Variants in CAAP1 observed in about 807,000 individuals in gnomAD.
CAAP1 encodes the protein conserved anti-apoptotic protein.
A neutral mutation model predicts 34.0 loss-of-function variants in CAAP1; 20 were observed. The observed-to-expected ratio is 0.59, with a 90% confidence interval of 0.41 to 0.86. The LOEUF (loss-of-function observed/expected upper bound fraction) is 0.86, where lower values mean the gene tolerates loss of function less well. Among genes scored for constraint, CAAP1 ranks in the 40% least tolerant of loss-of-function variants. The pLI is 0.00. For synonymous variants in CAAP1, 213 were observed against 166.7 expected, an observed-to-expected ratio of 1.28 and a Z score of -2.14; for missense variants, 538 against 450.5, an observed-to-expected ratio of 1.19 and a Z score of -1.76.
intron 5 of CAAP1, among the ~76,000 whole-genome samples, chr9:26,843,215 G>T (rs1160733329): frequency 1.3e-5 from 2 of 152,142 alleles, no homozygotes; most frequent in Admixed American, 6.5e-5. Context: ...ATTTTCTAAG[G>T]TAAAATTTGT....
chr9:26,871,888 T>G (rs1337245532), intron 4 of CAAP1, among the ~76,000 whole-genome samples: 1 of 151,092 alleles, frequency 6.6e-6, no homozygotes, highest in African/African-American at 2.5e-5. Flanking sequence ...CACTCCAGCC[T>G]GGGCGACAGA....
rs749435158 is a variant in CAAP1 at position 26,892,737 on chromosome 9, G to T, written c.-22C>A. The T allele has an allele frequency of 1.3e-6, 2 of 1,559,888 alleles. No individual in the cohort carries two copies. The highest frequency in any genetic ancestry group is 2.7e-5 in the African/African-American group (2 of 73,816). On this transcript the variant is annotated 5_prime_UTR_variant, in exon 1 of 6. Transcript: ENST00000333916. ...TCATGATCCCTCTGCTGCAACCATC[G>T]GAGGAAAGTCCGCTGTCTCTGGTGC...
chr9:26,892,165 A>G (rs1453746362), intron 1 of CAAP1: 1 of 1,067,210 alleles, frequency 9.4e-7, no homozygotes, highest in African/African-American at 1.6e-5. Flanking sequence ...GGAAGGAGCC[A>G]AGAGTTTAAA....
intron 4 of CAAP1, among the ~76,000 whole-genome samples, chr9:26,866,804 A>C (rs534119621): frequency 2.3e-3 from 348 of 152,294 alleles, no homozygotes; most frequent in Admixed American, 6.6e-3. Context: ...AAAATCTATT[A>C]TCTCTCAATT....
At chr9:26,843,008 T>C (rs1257610348) in intron 5 of CAAP1, among the ~76,000 whole-genome samples, 1 of 152,198 alleles carries the variant, frequency 6.6e-6, no homozygotes, top group African/African-American at 2.4e-5. Context: ...ATCCTCTGGA[T>C]ACAGTATGGC....
chr9:26,873,875 A>C (rs756371904), intron 4 of CAAP1, among the ~76,000 whole-genome samples: 1 of 152,176 alleles, frequency 6.6e-6, no homozygotes, highest in African/African-American at 2.4e-5. Context: ...CTAAGGTGAC[A>C]ATACCATTCC....
chr9:26,870,063 G>A (rs866961291), intron 4 of CAAP1: 11 of 342,118 alleles, frequency 3.2e-5, no homozygotes, highest in Middle Eastern at 1.5e-3. Flanking sequence ...TTTTTTTAAC[G>A]CAGATGCAGC....
intron 4 of CAAP1, among the ~76,000 whole-genome samples, chr9:26,879,015 C>T (rs1232216827): frequency 1.3e-5 from 2 of 152,144 alleles, no homozygotes; most frequent in African/African-American, 4.8e-5. Flanking sequence ...AAAGGAGCAA[C>T]ATTCAAGTTT....
chr9:26,875,231 C>A (rs538108432), intron 4 of CAAP1, among the ~76,000 whole-genome samples: 3 of 152,008 alleles, frequency 2.0e-5, no homozygotes, highest in Non-Finnish European at 4.4e-5. Flanking sequence ...CTAAAAAATA[C>A]AAAAATTAGC....
At chr9:26,886,519 T>A (rs571703084) in intron 2 of CAAP1, among the ~76,000 whole-genome samples, 1 of 152,230 alleles carries the variant, frequency 6.6e-6, no homozygotes, top group African/African-American at 2.4e-5. Context: ...TCTTGTATCT[T>A]TAGATATATG....
At position 26,842,442 on chromosome 9, in the gene CAAP1, T is replaced by C; in HGVS notation, c.945A>G (p.Glu315=). ...GAACAGCCAGGGTGGCTGCTTTGGG[T>C]TCGTTTGGGCTAGACTCTGCCAGTC... The part of the protein sequence containing the change: ...ILGLAESSPN[E]PKAATLAVPP... Residue 315 remains glutamate (E), a synonymous_variant, in exon 6 of 6, where the codon GAA becomes GAG. Transcript: ENST00000333916. 1 of 1,614,078 alleles carries C rather than the reference T, an allele frequency of 6.2e-7. No homozygotes were observed. Among genetic ancestry groups the C allele is most frequent in the Non-Finnish European group, 8.5e-7 (1 of 1,180,016 alleles).
At chr9:26,880,275 G>T in intron 4 of CAAP1, 3 of 407,716 alleles carry the variant, frequency 7.4e-6, no homozygotes. Flanking sequence ...CTCCCGCAAA[G>T]CACCAATAGC....
At chr9:26,860,954 C>G (rs980800984) in intron 5 of CAAP1, 112 bp downstream of exon 5, 2 of 749,572 alleles carry the variant, frequency 2.7e-6, no homozygotes, top group Non-Finnish European at 4.7e-6. Flanking sequence ...ATAAATTGCT[C>G]TCTTCCTCTA....
At chr9:26,875,508 G>C (rs1477109198) in intron 4 of CAAP1, among the ~76,000 whole-genome samples, 1 of 152,130 alleles carries the variant, frequency 6.6e-6, no homozygotes, top group Non-Finnish European at 1.5e-5. Flanking sequence ...TAATAACACA[G>C]ATTGCTTTAA....
At chr9:26,844,123 T>C (rs543423406) in intron 5 of CAAP1, among the ~76,000 whole-genome samples, 1 of 152,276 alleles carries the variant, frequency 6.6e-6, no homozygotes, top group East Asian at 1.9e-4. Context: ...TTTGGGAGGC[T>C]GAGGTGGGCA....
chr9:26,857,918 G>C (rs1822910601), intron 5 of CAAP1, among the ~76,000 whole-genome samples: 1 of 152,094 alleles, frequency 6.6e-6, no homozygotes, highest in Non-Finnish European at 1.5e-5. Flanking sequence ...ATTAATACTT[G>C]TGTATTATTC....
intron 1 of CAAP1, among the ~76,000 whole-genome samples, chr9:26,889,154 C>A (rs1050464852): frequency 6.6e-6 from 1 of 152,204 alleles, no homozygotes; most frequent in Non-Finnish European, 1.5e-5. Flanking sequence ...CGGTGGCTCA[C>A]GCCTGTAATC....
intron 5 of CAAP1, among the ~76,000 whole-genome samples, chr9:26,850,202 C>T (rs1393595791): frequency 6.6e-6 from 1 of 152,186 alleles, no homozygotes; most frequent in Non-Finnish European, 1.5e-5. Context: ...ATAGGTATCA[C>T]ATTACCTGTT....
At position 26,871,914 on chromosome 9, in the gene CAAP1, AAAATAAATAAATAAAT is replaced by A. The variant is rs539844823; in HGVS notation, c.666-10791_666-10776del. On this transcript the variant is annotated intron_variant, in intron 4 of 5. Coordinates refer to ENST00000333916, the MANE Select transcript of CAAP1 (RefSeq NM_024828.4). ...GGGCGACAGAGCCAGACTTCATCTC[AAAATAAATAAATAAAT>A]AAATAAATAAATAAAATAAAAAATC... 2.0e-5 allele frequency among the ~76,000 whole-genome samples: 3 copies of A among 149,770 alleles called. No individual in the cohort carries two copies. The South Asian group carries it at 6.3e-4, about 31-fold the overall frequency.
Sources: allele counts gnomAD v4.1 joint callset (sites outside exome capture counted in the v4.1 genomes callset), GRCh38; gene constraint gnomAD v4.1.1; transcripts MANE v1.5; gene names NCBI Gene and HGNC (gene_info 2026-07-23, HGNC 2026-07-21).